Variants in GPM6A observed in about 807,000 individuals in gnomAD.
The protein encoded by GPM6A is glycoprotein M6A.
A neutral mutation model predicts 32.1 loss-of-function variants in GPM6A; 7 were observed. The ratio of observed to expected loss-of-function variants is 0.22; its 90% CI spans 0.12 to 0.41. The LOEUF is 0.41. Ranked by LOEUF, GPM6A falls within the 10% of genes least tolerant of loss-of-function variation. The pLI is 1.00. For synonymous variants in GPM6A, 130 were observed against 123.4 expected (o/e 1.05, Z -0.35); for missense variants, 235 against 347.2 (o/e 0.68, Z 2.57).
intron 3 of GPM6A, among the ~76,000 whole-genome samples, chr4:175,670,773 A>C (rs1743012242): frequency 6.6e-6 from 1 of 152,170 alleles, no homozygotes. Flanking sequence ...GAAACACAGA[A>C]TGCAGACCAA....
At chr4:175,704,462 G>A (rs1421214036) in intron 1 of GPM6A, among the ~76,000 whole-genome samples, 4 of 152,278 alleles carry the variant, frequency 2.6e-5, no homozygotes, top group African/African-American at 9.6e-5. Context: ...AAAACAATGT[G>A]TGTAGTGTCT....
intron 1 of GPM6A, among the ~76,000 whole-genome samples, chr4:175,898,356 A>T (rs1737857569): frequency 6.6e-6 from 1 of 152,088 alleles, no homozygotes; most frequent in South Asian, 2.1e-4. Flanking sequence ...TCTGTTTTTG[A>T]CCTTGAACCT....
intron 6 of GPM6A, among the ~76,000 whole-genome samples, chr4:175,636,015 T>A (rs1740562503): frequency 6.6e-6 from 1 of 151,938 alleles, no homozygotes; most frequent in South Asian, 2.1e-4. Flanking sequence ...GAATGCAATG[T>A]CAATTCTAAA....
chr4:175,674,365 C>T (rs905401188), intron 2 of GPM6A, among the ~76,000 whole-genome samples: 2 of 152,050 alleles, frequency 1.3e-5, no homozygotes, highest in African/African-American at 4.8e-5. Context: ...TTAGAAGAGG[C>T]AGGGTTTCAC....
At chr4:175,650,033 C>A (rs2110913861) in intron 4 of GPM6A, among the ~76,000 whole-genome samples, 1 of 152,220 alleles carries the variant, frequency 6.6e-6, no homozygotes, top group African/African-American at 2.4e-5. Context: ...CAGTGACCTC[C>A]AGTAGCATTT....
At chr4:175,683,371 C>G (rs1159472721) in intron 2 of GPM6A, among the ~76,000 whole-genome samples, 3 of 152,062 alleles carry the variant, frequency 2.0e-5, no homozygotes, top group Non-Finnish European at 4.4e-5. Flanking sequence ...AGGGGTTTGG[C>G]TTGTCTAAGA....
chr4:175,847,904 T>C (rs1005549201), intron 1 of GPM6A, among the ~76,000 whole-genome samples: 5 of 152,188 alleles, frequency 3.3e-5, no homozygotes, highest in African/African-American at 4.8e-5. Flanking sequence ...CGTGCTCTGA[T>C]CAACGTCAAC....
chr4:175,858,916 A>C (rs1232099082), intron 1 of GPM6A, among the ~76,000 whole-genome samples: 1 of 152,232 alleles, frequency 6.6e-6, no homozygotes, highest in East Asian at 1.9e-4. Context: ...TTCTTGAAAC[A>C]CACTACAATA....
intron 1 of GPM6A, among the ~76,000 whole-genome samples, chr4:175,943,613 C>T (rs1403046860): frequency 6.6e-6 from 1 of 152,040 alleles, no homozygotes; most frequent in Non-Finnish European, 1.5e-5. Flanking sequence ...TTATCGAAGG[C>T]CTTTTCTGCA....
intron 1 of GPM6A, among the ~76,000 whole-genome samples, chr4:175,807,981 A>T (rs1579525216): frequency 6.6e-6 from 1 of 152,198 alleles, no homozygotes; most frequent in Non-Finnish European, 1.5e-5. Flanking sequence ...TGAAGAGCCA[A>T]TGAGTTCATT....
intron 1 of GPM6A, among the ~76,000 whole-genome samples, chr4:175,802,062 A>C (rs894552137): frequency 6.6e-6 from 1 of 152,074 alleles, no homozygotes; most frequent in African/African-American, 2.4e-5. Context: ...AGTGTTGTAG[A>C]GATCAATCAT....
chr4:175,815,719 T>TTC (rs386402375), upstream of GPM6A, among the ~76,000 whole-genome samples: 1 of 142 alleles, frequency 7.0e-3, no homozygotes, highest in African/African-American at 0.016. Context: ...TTTTCTTTTC[T>TTC]TTTTTTTTTT....
At chr4:175,990,954 A>G (rs2126459747) in intron 1 of GPM6A, among the ~76,000 whole-genome samples, 1 of 152,206 alleles carries the variant, frequency 6.6e-6, no homozygotes, top group African/African-American at 2.4e-5. Context: ...CAAATCGTAT[A>G]CTTGTATTAA....
chr4:175,661,726 A>T (rs2110947832), intron 3 of GPM6A, among the ~76,000 whole-genome samples: 1 of 152,300 alleles, frequency 6.6e-6, no homozygotes, highest in African/African-American at 2.4e-5. Context: ...CATGTTTCAG[A>T]CCATTGAGAA....
intron 1 of GPM6A, among the ~76,000 whole-genome samples, chr4:175,921,189 A>G (rs981759819): frequency 6.6e-6 from 1 of 152,154 alleles, no homozygotes; most frequent in African/African-American, 2.4e-5. Flanking sequence ...ATTATTAATA[A>G]CTTTCAATAA....
rs950471859 is a variant in GPM6A, at chr4:175,842,487, C to T, written c.-22-30238G>A. On this transcript the variant is annotated intron_variant, in intron 1 of 7. Transcript: ENST00000280187. ...TTGGTTCACACTTGTGATCCCAACACTGAGGCGGGAGACGTGCTTGAGTCC... is the reference window on the plus strand; with the variant it reads ...TTGGTTCACACTTGTGATCCCAACATTGAGGCGGGAGACGTGCTTGAGTCC... Among the ~76,000 whole-genome samples, 4 of 152,190 alleles carry T rather than the reference C, an allele frequency of 2.6e-5. No individual in the cohort carries two copies. The East Asian group carries it at 7.7e-4, about 29-fold the overall frequency.
intron 1 of GPM6A, among the ~76,000 whole-genome samples, chr4:175,925,850 C>CTTTTTTTTT (rs60669466): frequency 2.2e-5 from 3 of 135,118 alleles, no homozygotes; most frequent in African/African-American, 2.7e-5. Flanking sequence ...CTTTTCTTTT[C>CTTTTTTTTT]TTTTTTTTTT....
intron 1 of GPM6A, among the ~76,000 whole-genome samples, chr4:175,793,738 G>A (rs929003936): frequency 2.2e-4 from 33 of 152,294 alleles, no homozygotes; most frequent in African/African-American, 7.5e-4. Flanking sequence ...ATCATCTGAT[G>A]TCTTGACTTC....
At chr4:175,911,439 T>G (rs1054555562) in intron 1 of GPM6A, among the ~76,000 whole-genome samples, 1 of 152,160 alleles carries the variant, frequency 6.6e-6, no homozygotes, top group Non-Finnish European at 1.5e-5. Flanking sequence ...TTAGCTATTA[T>G]CCCCTGCTTT....
Sources: gnomAD v4.1 joint callset for allele counts (sites outside exome capture counted in the v4.1 genomes callset) on GRCh38, gnomAD v4.1.1 for gene constraint, MANE v1.5 for transcripts, NCBI Gene and HGNC (gene_info 2026-07-23, HGNC 2026-07-21) for gene names.